The following LGSN variants were observed in gnomAD, a reference collection of about 807,000 sequenced individuals.
LGSN encodes lengsin, lens protein with glutamine synthetase domain.
Under a neutral mutation model 19.5 loss-of-function variants are expected in LGSN, and 21 were observed. The observed-to-expected ratio is 1.07, with a 90% CI of 0.76 to 1.55. The LOEUF (loss-of-function observed/expected upper bound fraction) is 1.55, where lower values mean the gene tolerates loss of function less well. Among genes scored for constraint, LGSN ranks in the 40% most tolerant of loss-of-function variants. The pLI is 0.00. For synonymous variants in LGSN, 257 were observed against 215.6 expected (o/e 1.19, Z -1.68); for missense variants, 673 against 608.5 (o/e 1.11, Z -1.12).
the LGSN span, among the ~76,000 whole-genome samples, chr6:63,499,531 A>G: frequency 1.3e-5 from 2 of 152,048 alleles, no homozygotes; most frequent in African/African-American, 2.4e-5. Context: ...GGTTCTTTGG[A>G]TAATAGAGAA....
At chr6:63,548,159 T>C in the LGSN span, among the ~76,000 whole-genome samples, 1 of 152,210 alleles carries the variant, frequency 6.6e-6, no homozygotes, top group South Asian at 2.1e-4. Context: ...TGACCCTCTC[T>C]GATTTCCCTT....
At chr6:63,291,262 C>G (rs1285076991) in intron 2 of LGSN, among the ~76,000 whole-genome samples, 1 of 152,160 alleles carries the variant, frequency 6.6e-6, no homozygotes, top group Admixed American at 6.5e-5. Context: ...TTAACCAGCT[C>G]AGTGGAAATT....
the LGSN span, among the ~76,000 whole-genome samples, chr6:63,540,701 T>C: frequency 6.6e-6 from 1 of 151,864 alleles, no homozygotes; most frequent in Non-Finnish European, 1.5e-5. Flanking sequence ...TTTATGTAAG[T>C]TAAAATGCAT....
At chr6:63,430,623 A>G in the LGSN span, among the ~76,000 whole-genome samples, 1 of 152,134 alleles carries the variant, frequency 6.6e-6, no homozygotes, top group African/African-American at 2.4e-5. Flanking sequence ...CCTGGCCTCA[A>G]GTGATTCGCT....
At chr6:63,403,461 G>A in the LGSN span, among the ~76,000 whole-genome samples, 2 of 152,068 alleles carry the variant, frequency 1.3e-5, no homozygotes, top group Non-Finnish European at 2.9e-5. Context: ...TCAAAACAAT[G>A]TCTTTAGCTT....
the LGSN span, among the ~76,000 whole-genome samples, chr6:63,471,139 T>C: frequency 6.6e-6 from 1 of 151,346 alleles, no homozygotes; most frequent in Non-Finnish European, 1.5e-5. Flanking sequence ...TGGTTGTTTT[T>C]TTTTGTTTGT....
chr6:63,324,480 C>T (rs980510155), upstream of LGSN, among the ~76,000 whole-genome samples: 1 of 152,126 alleles, frequency 6.6e-6, no homozygotes. Flanking sequence ...TTCATGAGCA[C>T]ATGGAATATT....
chr6:63,437,454 C>T, the LGSN span, among the ~76,000 whole-genome samples: 20 of 152,246 alleles, frequency 1.3e-4, no homozygotes, highest in South Asian at 4.2e-3. Flanking sequence ...CAGAGTCTCA[C>T]TCTCTCGCCC....
chr6:63,511,273 G>T, the LGSN span, among the ~76,000 whole-genome samples: 2 of 133,472 alleles, frequency 1.5e-5, no homozygotes, highest in Admixed American at 7.9e-5. Flanking sequence ...TTTTTTTTGA[G>T]ATGGAGTTTC....
At chr6:63,328,688 G>C in the LGSN span, among the ~76,000 whole-genome samples, 1 of 152,218 alleles carries the variant, frequency 6.6e-6, no homozygotes, top group Non-Finnish European at 1.5e-5. Flanking sequence ...GGCTCTCTCT[G>C]TGACGTATAA....
At chr6:63,571,131 T>C in the LGSN span, 1 of 152,230 alleles carries the variant, frequency 6.6e-6, no homozygotes, top group East Asian at 1.9e-4. Flanking sequence ...AGAGTTTTTG[T>C]TCCTTTGAAA....
the LGSN span, among the ~76,000 whole-genome samples, chr6:63,394,513 G>A: frequency 1.3e-5 from 2 of 152,172 alleles, no homozygotes; most frequent in East Asian, 1.9e-4. Context: ...CAGGGGTATT[G>A]CCCATCCCTT....
the LGSN span, among the ~76,000 whole-genome samples, chr6:63,481,262 C>T: frequency 6.6e-6 from 1 of 152,078 alleles, no homozygotes; most frequent in Non-Finnish European, 1.5e-5. Context: ...ACAATATATG[C>T]TACTTGAGTG....
At chr6:63,573,594 C>G in the LGSN span, 1 of 152,338 alleles carries the variant, frequency 6.6e-6, no homozygotes, top group South Asian at 2.1e-4. Flanking sequence ...CCTGCCCGGG[C>G]CAGAGTGGGG....
chr6:63,294,827 G>T (rs113981785), intron 2 of LGSN, 86 bp downstream of exon 2: 38 of 1,353,580 alleles, frequency 2.8e-5, no homozygotes, highest in Non-Finnish European at 3.7e-5. Context: ...TCCCAAAAAA[G>T]AAATGAAGAT....
At chr6:63,421,496 G>A in the LGSN span, among the ~76,000 whole-genome samples, 7 of 152,040 alleles carry the variant, frequency 4.6e-5, no homozygotes, top group East Asian at 5.8e-4. Context: ...TTGGGAGGCC[G>A]AGGCAGGCAG....
chr6:63,316,411 T>C (rs937353513), intron 1 of LGSN, among the ~76,000 whole-genome samples: 1 of 152,096 alleles, frequency 6.6e-6, no homozygotes, highest in Non-Finnish European at 1.5e-5. Context: ...ATGCAAAATC[T>C]ACAATAGAAG....
the LGSN span, among the ~76,000 whole-genome samples, chr6:63,486,569 C>T: frequency 6.6e-6 from 1 of 152,112 alleles, no homozygotes. Flanking sequence ...TAGGCCCAGG[C>T]AGATGCTGCA....
At chr6:63,359,652 T>A in the LGSN span, among the ~76,000 whole-genome samples, 19,829 of 152,184 alleles carry the variant, frequency 0.13, 2,856 homozygotes, top group African/African-American at 0.36. Flanking sequence ...TGATGGTAGT[T>A]TGTATTTCTG....
Sources: gnomAD v4.1 joint callset for allele counts (sites outside exome capture counted in the v4.1 genomes callset) on GRCh38, gnomAD v4.1.1 for gene constraint, MANE v1.5 for transcripts, NCBI Gene and HGNC (gene_info 2026-07-23, HGNC 2026-07-21) for gene names.